Variants in CACNA1E observed in about 807,000 individuals in gnomAD.
CACNA1E encodes the protein calcium voltage-gated channel subunit alpha1 E.
Under a neutral mutation model 259.2 loss-of-function variants are expected in CACNA1E, and 40 were observed. That is an observed-to-expected ratio of 0.15 (90% confidence interval 0.12 to 0.20). CACNA1E has a LOEUF of 0.20. CACNA1E is among the 10% of genes least tolerant of loss of function. The pLI, the probability that CACNA1E is intolerant of heterozygous loss-of-function variation, is 1.00. For synonymous variants in CACNA1E, 1,104 were observed against 1,138.5 expected (o/e 0.97, Z 0.61); for missense variants, 1,874 against 3,040.1 (o/e 0.62, Z 9.02).
At chr1:181,557,969 A>G (rs775788912) in intron 3 of CACNA1E, among the ~76,000 whole-genome samples, 2 of 152,232 alleles carry the variant, frequency 1.3e-5, no homozygotes, top group African/African-American at 4.8e-5. Context: ...AATGGGTGCT[A>G]CCTTAGAAGA....
At chr1:181,477,534 C>T (rs1662941889) in intron 2 of CACNA1E, among the ~76,000 whole-genome samples, 2 of 152,190 alleles carry the variant, frequency 1.3e-5, no homozygotes, top group South Asian at 4.1e-4. Context: ...ACACACAGCT[C>T]TCTCAGGTAT....
chr1:181,756,267 A>C (rs1314945753), intron 29 of CACNA1E, among the ~76,000 whole-genome samples, 174 bp downstream of exon 29: 2 of 152,172 alleles, frequency 1.3e-5, no homozygotes, highest in Non-Finnish European at 2.9e-5. Flanking sequence ...CTTCAGGCAA[A>C]AATAGAGAAG....
At chr1:181,319,330 T>G (rs1235274574) in intron 1 of CACNA1E, among the ~76,000 whole-genome samples, 2 of 152,236 alleles carry the variant, frequency 1.3e-5, no homozygotes, top group Non-Finnish European at 2.9e-5. Context: ...AGGGCATTAC[T>G]TTATCTCCAC....
At chr1:181,680,818 C>T (rs1023647749) in intron 7 of CACNA1E, among the ~76,000 whole-genome samples, 3 of 152,220 alleles carry the variant, frequency 2.0e-5, no homozygotes, top group African/African-American at 7.2e-5. Context: ...TCATTTCTCA[C>T]TTCCTATGTG....
intron 3 of CACNA1E, among the ~76,000 whole-genome samples, chr1:181,528,408 A>G (rs565239063): frequency 5.3e-5 from 8 of 152,322 alleles, no homozygotes; most frequent in Non-Finnish European, 7.3e-5. Context: ...AGCAGCATGA[A>G]AACAAACTAA....
At chr1:181,704,231 C>T (rs1383627828) in intron 7 of CACNA1E, among the ~76,000 whole-genome samples, 1 of 152,162 alleles carries the variant, frequency 6.6e-6, no homozygotes. Flanking sequence ...TGTTTACCTT[C>T]TCTGGGGCTG....
chr1:181,501,593 A>T (rs532173369), intron 1 of CACNA1E, among the ~76,000 whole-genome samples: 144 of 152,278 alleles, frequency 9.5e-4, no homozygotes, highest in Non-Finnish European at 1.5e-4. Flanking sequence ...TTGGCAAACA[A>T]AAGGCCTTTT....
At chr1:181,748,333 G>A (rs1657289398) in intron 25 of CACNA1E, among the ~76,000 whole-genome samples, 1 of 152,206 alleles carries the variant, frequency 6.6e-6, no homozygotes, top group South Asian at 2.1e-4. Flanking sequence ...TATGGTATAT[G>A]TGGTAATACA....
At position 181,798,324 on chromosome 1, in the gene CACNA1E, C is replaced by T; in HGVS notation, c.6432C>T (p.Pro2144=). The change falls in exon 48 of 48, where the codon CCC becomes CCT. Residue 2144 remains proline, a synonymous_variant. Coordinates refer to ENST00000367573, the MANE Select transcript of CACNA1E (RefSeq NM_001205293.3). The surrounding 1 kb of genome is among the most constrained non-coding windows in gnomAD (Gnocchi z 4.2). The stretch of plus-strand genomic sequence containing the variant: ...GTTCCCTAAGTGAGAGCTCCATCCC[C>T]TCTGTCTCTGACACCAGCACCCCAA... The part of the protein sequence containing the change: ...GTGSLSESSI[P]SVSDTSTPRR... The T allele has an allele frequency of 6.2e-7, 1 of 1,604,332 alleles. No homozygotes were observed.
intron 3 of CACNA1E, among the ~76,000 whole-genome samples, chr1:181,562,705 T>G (rs1436279724): frequency 2.0e-5 from 3 of 152,204 alleles, no homozygotes; most frequent in Non-Finnish European, 4.4e-5. Context: ...AGCACTTCTG[T>G]GAGAGGCAGA....
At chr1:181,681,795 A>G in intron 7 of CACNA1E, among the ~76,000 whole-genome samples, 1 of 152,182 alleles carries the variant, frequency 6.6e-6, no homozygotes. Flanking sequence ...GGAGATAATG[A>G]TACCTACCTC....
chr1:181,519,122 T>G lies in CACNA1E; in HGVS notation c.512+7612T>G, dbSNP rs180703407. Among the ~76,000 whole-genome samples, 945 of 152,148 alleles carry G rather than the reference T, an allele frequency of 6.2e-3. 14 individuals carry two copies. Among genetic ancestry groups the G allele is most frequent in the African/African-American group, 0.022 (910 of 41,512 alleles). ...CATGAGTGTATGTGGAAGAGGGAGG[T>G]GGGGTGAAAATCCCCAGGTATGTTT... On this transcript the variant is annotated intron_variant, in intron 3 of 47. Coordinates refer to ENST00000367573, the MANE Select transcript of CACNA1E (RefSeq NM_001205293.3).
intron 3 of CACNA1E, among the ~76,000 whole-genome samples, chr1:181,552,701 T>C (rs1648303410): frequency 6.6e-6 from 1 of 152,230 alleles, no homozygotes. Context: ...TGCAGGTTTG[T>C]TACATAGGTA....
chr1:181,753,611 C>T (rs947811660), intron 27 of CACNA1E, among the ~76,000 whole-genome samples: 1 of 152,308 alleles, frequency 6.6e-6, no homozygotes, highest in South Asian at 2.1e-4. Context: ...CCTGGGCCTG[C>T]TCTCCCAAGC....
chr1:181,721,331 T>C (rs1401984867), intron 15 of CACNA1E, among the ~76,000 whole-genome samples: 2 of 152,210 alleles, frequency 1.3e-5, no homozygotes, highest in Non-Finnish European at 2.9e-5. Flanking sequence ...TTGGCCAGAA[T>C]CTGAGGTTGG....
chr1:181,724,277 A>T lies in CACNA1E; in HGVS notation c.2075-193A>T, dbSNP rs557593475. ...GATGATATGCAGAAGGAGGGAAGAA[A>T]TATCCTCTTTCTCCTTTCAACAGAG... On this transcript the variant is annotated intron_variant, in intron 16 of 47. Coordinates refer to ENST00000367573, the MANE Select transcript of CACNA1E (RefSeq NM_001205293.3). 5.5e-4 allele frequency among the ~76,000 whole-genome samples: 84 copies of T among 152,254 alleles called. 1 individual carries two copies. The highest frequency in any genetic ancestry group is 2.0e-3 in the African/African-American group (83 of 41,548).
chr1:181,726,147 A>G lies in CACNA1E; in HGVS notation c.2225A>G (p.Asn742Ser). 6.2e-7 allele frequency: 1 copy of G among 1,612,178 alleles called. No individual in the cohort carries two copies. Among genetic ancestry groups the G allele is most frequent in the Non-Finnish European group, 8.5e-7 (1 of 1,179,008 alleles). ...AKEVSPMSAP[N>S]MPSIERDRRR... ...GAGGTCAGCCCGATGTCTGCACCCA[A>G]CATGCCTTCGATCGAGTGAGTCAGC... The change falls in exon 18 of 48, where the codon AAC (asparagine) becomes AGC (serine). Residue 742 changes from asparagine (N) to serine (S), a missense_variant. Around this residue, in one of 14 missense-constraint regions of CACNA1E, gnomAD observed 476 missense variants for 514.0 expected, o/e 0.93. Transcript: ENST00000367573.
chr1:181,373,537 C>CTTTTTT (rs5779097), intron 1 of CACNA1E, among the ~76,000 whole-genome samples: 3 of 120,926 alleles, frequency 2.5e-5, no homozygotes, highest in Non-Finnish European at 3.4e-5. Flanking sequence ...TCTTTTCTTT[C>CTTTTTT]TTTTTTTTTT....
At chr1:181,460,135 G>C (rs897722587) in intron 2 of CACNA1E, among the ~76,000 whole-genome samples, 1 of 152,174 alleles carries the variant, frequency 6.6e-6, no homozygotes, top group African/African-American at 2.4e-5. Context: ...TATAGGGCCT[G>C]GTAGGACATG....
Sources: gnomAD v4.1 joint callset for allele counts (sites outside exome capture counted in the v4.1 genomes callset) on GRCh38, gnomAD v4.1.1 for gene constraint, gnomAD v4.1.1 regional missense constraint, Gnocchi (gnomAD v3.1) non-coding constraint, MANE v1.5 for transcripts, NCBI Gene and HGNC (gene_info 2026-07-23, HGNC 2026-07-21) for gene names.